CXADR: variants seen among roughly 807,000 people sequenced by gnomAD.
CXADR encodes the protein CXADR cell adhesion molecule, also known as coxsackievirus and adenovirus receptor.
A neutral mutation model predicts 40.3 loss-of-function variants in CXADR; 20 were observed. The ratio of observed to expected loss-of-function variants is 0.50; its 90% CI spans 0.35 to 0.72. The LOEUF is 0.72. CXADR is among the 30% of genes least tolerant of loss of function. CXADR has a pLI of 0.01. For synonymous variants in CXADR, 150 were observed against 161.3 expected (o/e 0.93, Z 0.53); for missense variants, 332 against 449.1 (o/e 0.74, Z 2.36).
downstream of CXADR, among the ~76,000 whole-genome samples, chr21:17,570,414 G>A (rs73308299): frequency 0.045 from 6,852 of 152,210 alleles, 496 homozygotes; most frequent in African/African-American, 0.16. Flanking sequence ...TGCCCAATGT[G>A]TGTATATATA....
chr21:17,545,083 T>TTC (rs1555868646), intron 1 of CXADR, among the ~76,000 whole-genome samples: 3 of 144,716 alleles, frequency 2.1e-5, no homozygotes, highest in African/African-American at 7.6e-5. Flanking sequence ...TTTTTTTTTT[T>TTC]TTTTTTTTTT....
At chr21:17,575,312 T>G (rs1268561627) in intron 7 of CXADR, among the ~76,000 whole-genome samples, 1 of 151,892 alleles carries the variant, frequency 6.6e-6, no homozygotes, top group Non-Finnish European at 1.5e-5. Flanking sequence ...GCCTCTCAAG[T>G]AGCTGGGATA....
At chr21:17,559,668 GGTTTT>G (rs1347398783) in intron 4 of CXADR, among the ~76,000 whole-genome samples, 1 of 106,218 alleles carries the variant, frequency 9.4e-6, no homozygotes, top group African/African-American at 3.8e-5. Flanking sequence ...CTTTTTTTTG[GGTTTT>G]TTTTTTTTTT....
chr21:17,608,427 TG>T, the CXADR span, among the ~76,000 whole-genome samples: 1 of 151,974 alleles, frequency 6.6e-6, no homozygotes, highest in Admixed American at 6.6e-5. Flanking sequence ...TTACTAGTCG[TG>T]GATCACAGGT....
At chr21:17,572,568 C>T (rs2061287051), downstream of CXADR, among the ~76,000 whole-genome samples, 1 of 151,844 alleles carries the variant, frequency 6.6e-6, no homozygotes, top group Non-Finnish European at 1.5e-5. Flanking sequence ...CTTACGGATT[C>T]CCGCTGAATA....
At chr21:17,571,556 A>G (rs1400681268), downstream of CXADR, among the ~76,000 whole-genome samples, 1 of 152,182 alleles carries the variant, frequency 6.6e-6, no homozygotes, top group East Asian at 1.9e-4. Context: ...TTCAGTAAAA[A>G]TAGTGTAAGT....
chr21:17,590,975 GGC>G (rs2061430853), intron 7 of CXADR, among the ~76,000 whole-genome samples: 1 of 151,922 alleles, frequency 6.6e-6, no homozygotes, highest in Non-Finnish European at 1.5e-5. Flanking sequence ...CAAGAAACTT[GGC>G]CAAAGATTTA....
chr21:17,523,890 G>C (rs2060561358), intron 1 of CXADR, among the ~76,000 whole-genome samples: 1 of 151,862 alleles, frequency 6.6e-6, no homozygotes, highest in African/African-American at 2.4e-5. Context: ...ACAGAGTCTT[G>C]CTCTGTCGCC....
intron 1 of CXADR, among the ~76,000 whole-genome samples, chr21:17,514,747 C>T (rs2060438353): frequency 6.6e-6 from 1 of 151,820 alleles, no homozygotes; most frequent in African/African-American, 2.4e-5. Flanking sequence ...GATTCTCCTG[C>T]CTCAGCCTCC....
intron 7 of CXADR, among the ~76,000 whole-genome samples, chr21:17,592,582 A>T (rs1387191949): frequency 6.6e-6 from 1 of 151,830 alleles, no homozygotes; most frequent in Non-Finnish European, 1.5e-5. Flanking sequence ...ATCACCACAA[A>T]ACTCTCAAGG....
At chr21:17,599,583 G>C in the CXADR span, among the ~76,000 whole-genome samples, 1 of 150,930 alleles carries the variant, frequency 6.6e-6, no homozygotes, top group African/African-American at 2.4e-5. Flanking sequence ...GTGTTCAAGT[G>C]ATTCTCCTGC....
Position 17,551,702 on chromosome 21 carries a change from T to G in CXADR, c.211-47T>G, listed in dbSNP as rs78981763. On this transcript the variant is annotated intron_variant, in intron 2 of 6. Coordinates refer to ENST00000284878, the MANE Select transcript of CXADR (RefSeq NM_001338.5). ...GGGCTCCTTTAAGAGACAGTTTTTT[T>G]TGTGTGTGTTTGTTTTTCCTCCTGT... is the stretch of plus-strand genomic sequence containing the variant. 4.2e-3 allele frequency: 6,395 copies of G among 1,531,762 alleles called. 98 individuals are homozygous for G. In the African/African-American group the frequency reaches 0.046, roughly 11 times the overall value. 94.9% of individuals were successfully genotyped at this position (1,531,762 alleles called of 1,614,324 possible).
At chr21:17,593,944 GATT>G (rs2123418512), downstream of CXADR, 2 of 1,000,738 alleles carry the variant, frequency 2.0e-6, no homozygotes, top group South Asian at 4.0e-5. Flanking sequence ...TTTTAAGAAA[GATT>G]ATTCTCAATA....
intron 1 of CXADR, 38 bp downstream of exon 1, chr21:17,513,210 C>G (rs2060413386): frequency 1.6e-5 from 22 of 1,348,578 alleles, no homozygotes; most frequent in Non-Finnish European, 2.1e-5. Context: ...ACCCGCCCAG[C>G]CCGGGGGCGC....
the CXADR span, chr21:17,614,200 G>A: frequency 6.6e-6 from 1 of 152,064 alleles, no homozygotes; most frequent in Non-Finnish European, 1.5e-5. Context: ...GTGTGAAGGT[G>A]TTTTTATTTT....
At chr21:17,586,777 G>A (rs2061399854) in intron 7 of CXADR, among the ~76,000 whole-genome samples, 1 of 152,048 alleles carries the variant, frequency 6.6e-6, no homozygotes, top group South Asian at 2.1e-4. Context: ...TAGGGTACAT[G>A]TGCACAACGT....
intron 6 of CXADR, 53 bp from the exon 7 acceptor site, chr21:17,565,375 T>G (rs2061191440): frequency 1.3e-6 from 2 of 1,569,546 alleles, no homozygotes; most frequent in African/African-American, 1.4e-5. Flanking sequence ...TGCATAATTG[T>G]AGGTTTTTAG....
At chr21:17,634,814 G>C in the CXADR span, among the ~76,000 whole-genome samples, 1 of 152,106 alleles carries the variant, frequency 6.6e-6, no homozygotes, top group East Asian at 1.9e-4. Context: ...ACTATTCACA[G>C]GTGCAGTCAT....
chr21:17,573,655 T>G (rs1001771152), downstream of CXADR, among the ~76,000 whole-genome samples: 1 of 152,204 alleles, frequency 6.6e-6, no homozygotes, highest in African/African-American at 2.4e-5. Flanking sequence ...ACACCTGTAA[T>G]CTCTGCACTT....
Sources: gnomAD v4.1 joint callset for allele counts (sites outside exome capture counted in the v4.1 genomes callset) on GRCh38, gnomAD v4.1.1 for gene constraint, MANE v1.5 for transcripts, NCBI Gene and HGNC (gene_info 2026-07-23, HGNC 2026-07-21) for gene names.